MACF1: variants seen among roughly 807,000 people sequenced by gnomAD.
MACF1 encodes the protein microtubule-actin cross-linking factor 1.
Under a neutral mutation model 854.8 loss-of-function variants are expected in MACF1, and 193 were observed. The observed-to-expected ratio is 0.23, with a 90% CI of 0.20 to 0.25. MACF1 has a LOEUF of 0.25. Among genes scored for constraint, MACF1 ranks in the 10% least tolerant of loss-of-function variants. The pLI is 1.00. For synonymous variants in MACF1, 3,185 were observed against 3,226.7 expected, an observed-to-expected ratio of 0.99 and a Z score of 0.44; for missense variants, 7,722 against 8,929.1, an observed-to-expected ratio of 0.86 and a Z score of 5.45.
rs895717504 is a variant in MACF1 at position 39,396,197 on chromosome 1, G to A, written c.15816+7539G>A. Among the ~76,000 whole-genome samples, 4 of 152,006 alleles carry A rather than the reference G, an allele frequency of 2.6e-5. No individual in the cohort carries two copies. The South Asian group carries it at 6.2e-4, about 24-fold the overall frequency. On this transcript the variant is annotated intron_variant, in intron 58 of 100. Coordinates refer to ENST00000564288, the MANE Select transcript of MACF1 (RefSeq NM_001394062.1). ...TAGCCGGGCATGGTGGCATGCGCCT[G>A]TAGTCCCAGCTACACAGGAGGCTGA...
intron 2 of MACF1, among the ~76,000 whole-genome samples, chr1:39,102,442 G>T (rs186147586): frequency 3.3e-5 from 5 of 149,650 alleles, no homozygotes; most frequent in South Asian, 4.2e-4. Context: ...GGCGGGGGGG[G>T]GGTCAAGGAA....
intron 66 of MACF1, among the ~76,000 whole-genome samples, chr1:39,431,837 G>A (rs932497231): frequency 1.9e-4 from 29 of 152,068 alleles, no homozygotes; most frequent in Admixed American, 1.2e-3. Flanking sequence ...AGCCGATCAT[G>A]GTGGCAATTG....
At chr1:39,259,379 A>G (rs1423767769) in intron 6 of MACF1, among the ~76,000 whole-genome samples, 2 of 152,084 alleles carry the variant, frequency 1.3e-5, no homozygotes, top group Non-Finnish European at 2.9e-5. Flanking sequence ...CTCCTGCCTC[A>G]GCCTCCCAAG....
intron 1 of MACF1, among the ~76,000 whole-genome samples, chr1:39,206,186 A>G (rs554524610): frequency 1.9e-4 from 29 of 152,348 alleles, no homozygotes; most frequent in African/African-American, 7.0e-4. Flanking sequence ...AAAGCTTTTG[A>G]CTAAATATTC....
At chr1:39,103,429 T>C (rs1264144464) in intron 2 of MACF1, 1 of 171,848 alleles carries the variant, frequency 5.8e-6, no homozygotes, top group Non-Finnish European at 1.3e-5. Context: ...CTGGGCCTTC[T>C]TAGGCCTGCT....
rs1309296072 is a variant in MACF1, at chr1:39,388,545, A to C, written c.15703A>C (p.Arg5235=). 2.5e-6 allele frequency: 4 copies of C among 1,614,072 alleles called. No homozygotes were observed. In the African/African-American group the frequency reaches 5.3e-5, roughly 22 times the overall value. ...ACTAGGCCGTGTAGAGGACTTCTAC[A>C]GGAAATTGAAAGGACTCAATGACGC... ...LTLGRVEDFY[R]KLKGLNDATT... Residue 5235 remains arginine (R), a synonymous_variant, in exon 58 of 101, where the codon AGG becomes CGG. Coordinates refer to ENST00000564288, the MANE Select transcript of MACF1 (RefSeq NM_001394062.1).
At chr1:39,336,893 G>A (rs537008889) in intron 37 of MACF1, among the ~76,000 whole-genome samples, 30 of 152,278 alleles carry the variant, frequency 2.0e-4, no homozygotes, top group African/African-American at 7.0e-4. Flanking sequence ...AAATAGAAAC[G>A]AGCTAATAGA....
chr1:39,088,845 T>C (rs1026168908), intron 2 of MACF1, among the ~76,000 whole-genome samples: 1 of 152,186 alleles, frequency 6.6e-6, no homozygotes, highest in Non-Finnish European at 1.5e-5. Flanking sequence ...ATTGCAGACG[T>C]GTACATTTAT....
At chr1:39,309,265 T>G (rs75505690) in intron 23 of MACF1, among the ~76,000 whole-genome samples, 9,152 of 152,046 alleles carry the variant, frequency 0.06, 351 homozygotes, top group African/African-American at 0.11. Context: ...AGTTTAGTTT[T>G]TTTTTTTTTT....
At chr1:39,230,460 C>T (rs1644764920) in intron 1 of MACF1, among the ~76,000 whole-genome samples, 1 of 151,966 alleles carries the variant, frequency 6.6e-6, no homozygotes, top group South Asian at 2.1e-4. Context: ...GGACTGATGG[C>T]TCACTGGTCT....
intron 2 of MACF1, among the ~76,000 whole-genome samples, chr1:39,143,322 G>A (rs1215641157): frequency 1.3e-5 from 2 of 152,032 alleles, no homozygotes; most frequent in Non-Finnish European, 2.9e-5. Flanking sequence ...TATACCTTTT[G>A]GTGTATCAAA....
intron 26 of MACF1, 80 bp from the exon 27 acceptor site, chr1:39,315,433 A>G: frequency 7.6e-7 from 1 of 1,312,906 alleles, no homozygotes; most frequent in South Asian, 1.3e-5. Flanking sequence ...TCCAATATTT[A>G]GCTATTACAA....
chr1:39,317,064 G>A, intron 28 of MACF1, 150 bp from the exon 29 acceptor site: 1 of 744,992 alleles, frequency 1.3e-6, no homozygotes, highest in Non-Finnish European at 2.1e-6. Context: ...ACCATGACAT[G>A]TGGAGGCAGT....
chr1:39,452,089 T>C, intron 85 of MACF1, 67 bp from the exon 86 acceptor site: 2 of 1,313,446 alleles, frequency 1.5e-6, no homozygotes, highest in Non-Finnish European at 2.1e-6. Context: ...AAAATTATTA[T>C]TTCCCAGTGG....
intron 23 of MACF1, chr1:39,304,239 G>GTTCT (rs1646121088): frequency 2.5e-6 from 1 of 407,280 alleles, no homozygotes; most frequent in Non-Finnish European, 4.8e-6. Context: ...GTGTCCAAGT[G>GTTCT]TTCTCATTGT....
intron 70 of MACF1, chr1:39,436,440 C>T (rs963646337): frequency 6.2e-6 from 10 of 1,612,298 alleles, no homozygotes; most frequent in Non-Finnish European, 8.5e-6. Context: ...TTCCCCACAT[C>T]GTCACATTTC....
In MACF1 at chr1:39,331,865, G is replaced by T. The variant is rs1216567291; in HGVS notation, c.5277G>T (p.Arg1759Ser). 1 of 1,614,034 alleles carries T rather than the reference G, an allele frequency of 6.2e-7. No individual in the cohort carries two copies. Among genetic ancestry groups the T allele is most frequent in the Admixed American group, 1.7e-5 (1 of 59,998 alleles). The change falls in exon 37 of 101, where the codon AGG becomes AGT. Residue 1759 changes from arginine (R) to serine (S), a missense_variant. By Grantham distance (110) the Arg-to-Ser change is moderately radical. This residue lies in a region of MACF1 where 1,531 missense variants were observed against 1,601.6 expected (regional missense o/e 0.96). Transcript: ENST00000564288. Reference protein sequence around the residue: ...FRAVQEGLIDRQVTVRLLEAQ... With the variant: ...FRAVQEGLIDSQVTVRLLEAQ... ...CAGTTCAGGAAGGGCTAATAGATAG[G>T]CAGGTCACTGTCCGGTTGCTGGAAG...
intron 2 of MACF1, among the ~76,000 whole-genome samples, chr1:39,141,308 A>G (rs1260280197): frequency 6.6e-6 from 1 of 152,200 alleles, no homozygotes; most frequent in Non-Finnish European, 1.5e-5. Context: ...GCTGGGTCCC[A>G]TCCTCAGTTC....
At chr1:39,114,758 GT>G (rs1642504298) in intron 2 of MACF1, among the ~76,000 whole-genome samples, 1 of 152,170 alleles carries the variant, frequency 6.6e-6, no homozygotes, top group Admixed American at 6.5e-5. Context: ...GACAGTTACT[GT>G]CTATTGTAGG....
Sources: gnomAD v4.1 joint callset for allele counts (sites outside exome capture counted in the v4.1 genomes callset) on GRCh38, gnomAD v4.1.1 for gene constraint, gnomAD v4.1.1 regional missense constraint, MANE v1.5 for transcripts, NCBI Gene and HGNC (gene_info 2026-07-23, HGNC 2026-07-21) for gene names.